HEMK2: variants seen among roughly 807,000 people sequenced by gnomAD.
HEMK2 encodes HemK methyltransferase 2, ETF1 glutamine and histone H4 lysine.
chr21:28,761,353 A>G, the HEMK2 span, among the ~76,000 whole-genome samples: 1 of 152,134 alleles, frequency 6.6e-6, no homozygotes, highest in East Asian at 1.9e-4. Context: ...CAAAATGTTT[A>G]AAAGTAAAGC....
chr21:28,872,012 AT>A, the HEMK2 span, among the ~76,000 whole-genome samples: 1 of 152,298 alleles, frequency 6.6e-6, no homozygotes, highest in East Asian at 1.9e-4. Flanking sequence ...AAAGTCCCTA[AT>A]TCCAAATAGG....
chr21:28,676,388 T>C, the HEMK2 span, among the ~76,000 whole-genome samples: 6 of 152,174 alleles, frequency 3.9e-5, no homozygotes, highest in Non-Finnish European at 8.8e-5. Context: ...TTTAATTTAA[T>C]TACCCCTTCA....
chr21:28,798,370 C>A, the HEMK2 span, among the ~76,000 whole-genome samples: 4 of 152,278 alleles, frequency 2.6e-5, no homozygotes, highest in Middle Eastern at 3.4e-3. Context: ...TCTCTCTGTG[C>A]TCAGTTTACT....
At chr21:28,680,077 A>T in the HEMK2 span, among the ~76,000 whole-genome samples, 16 of 152,240 alleles carry the variant, frequency 1.1e-4, no homozygotes, top group African/African-American at 3.1e-4. Flanking sequence ...AAATAGAGAC[A>T]TAAAAAACCC....
the HEMK2 span, among the ~76,000 whole-genome samples, chr21:28,773,124 T>C: frequency 2.0e-5 from 3 of 152,176 alleles, no homozygotes; most frequent in African/African-American, 7.2e-5. Context: ...TGCTCTAGAC[T>C]TAATTTTGTT....
the HEMK2 span, among the ~76,000 whole-genome samples, chr21:28,696,564 GGC>G: frequency 6.6e-6 from 1 of 152,092 alleles, no homozygotes; most frequent in Non-Finnish European, 1.5e-5. Context: ...AGCTTTTCTA[GGC>G]ACACGGTGCA....
At chr21:28,799,375 C>T in the HEMK2 span, among the ~76,000 whole-genome samples, 1 of 152,108 alleles carries the variant, frequency 6.6e-6, no homozygotes, top group Non-Finnish European at 1.5e-5. Flanking sequence ...AAAAACCCAC[C>T]CCCATGATTC....
At chr21:28,841,370 A>ATATATAAATATTATATATAATATAT in the HEMK2 span, among the ~76,000 whole-genome samples, 76 of 33,140 alleles carry the variant, frequency 2.3e-3, 4 homozygotes, top group African/African-American at 0.014. Context: ...TATTATATAA[A>ATATATAAATATTATATATAATATAT]ATATTATATA....
the HEMK2 span, among the ~76,000 whole-genome samples, chr21:28,864,913 T>TATAGATAGATACATAG: frequency 6.9e-5 from 10 of 144,088 alleles, no homozygotes; most frequent in Non-Finnish European, 1.4e-4. Context: ...AGATAGATGA[T>TATAGATAGATACATAG]ATAGATAGAT....
the HEMK2 span, among the ~76,000 whole-genome samples, chr21:28,859,743 G>T: frequency 1.3e-4 from 20 of 152,112 alleles, no homozygotes; most frequent in Non-Finnish European, 1.9e-4. Flanking sequence ...AGCAGCAGCT[G>T]CCCTCACCAC....
chr21:28,850,778 G>A, the HEMK2 span, among the ~76,000 whole-genome samples: 1 of 152,150 alleles, frequency 6.6e-6, no homozygotes, highest in East Asian at 1.9e-4. Context: ...GGATAGATGT[G>A]CATATAAAAG....
the HEMK2 span, among the ~76,000 whole-genome samples, chr21:28,609,160 T>C: frequency 6.6e-6 from 1 of 152,114 alleles, no homozygotes; most frequent in African/African-American, 2.4e-5. Flanking sequence ...ACTCCCCTGC[T>C]ACCTCCATGG....
the HEMK2 span, among the ~76,000 whole-genome samples, chr21:28,662,547 T>C: frequency 6.6e-6 from 1 of 152,198 alleles, no homozygotes; most frequent in Non-Finnish European, 1.5e-5. Context: ...AAATCTCATC[T>C]TGAATTGTAG....
At chr21:28,591,230 C>T in the HEMK2 span, among the ~76,000 whole-genome samples, 2 of 152,158 alleles carry the variant, frequency 1.3e-5, no homozygotes, top group African/African-American at 4.8e-5. Flanking sequence ...TATAAAAACA[C>T]TTTCTTGAGC....
chr21:28,877,929 AC>A, the HEMK2 span, among the ~76,000 whole-genome samples: 13 of 152,338 alleles, frequency 8.5e-5, no homozygotes, highest in African/African-American at 2.2e-4. Context: ...TTAGAAAAAA[AC>A]ATTAGAGATT....
the HEMK2 span, among the ~76,000 whole-genome samples, chr21:28,877,301 A>AAGGGAGGAAGGAAGGAAGGAAGG: frequency 1.8e-5 from 1 of 55,082 alleles, no homozygotes; most frequent in African/African-American, 4.6e-5. Context: ...AGGAAGGAAG[A>AAGGGAGGAAGGAAGGAAGGAAGG]GAGAGAGAAA....
the HEMK2 span, among the ~76,000 whole-genome samples, chr21:28,783,687 C>A: frequency 2.2e-4 from 33 of 152,356 alleles, no homozygotes; most frequent in Middle Eastern, 3.4e-3. Flanking sequence ...CACTGCTGCA[C>A]TATGGGAGCC....
the HEMK2 span, among the ~76,000 whole-genome samples, chr21:28,881,625 ATT>A: frequency 0.53 from 53,805 of 100,800 alleles, 14,935 homozygotes; most frequent in Non-Finnish European, 0.66. Context: ...GAAGCCATCA[ATT>A]TTTTTTTTTT....
At chr21:28,692,536 A>G in the HEMK2 span, among the ~76,000 whole-genome samples, 1 of 152,164 alleles carries the variant, frequency 6.6e-6, no homozygotes, top group African/African-American at 2.4e-5. Flanking sequence ...AAACACTATA[A>G]AACTAACCAA....
Sources: gnomAD v4.1 joint callset for allele counts (sites outside exome capture counted in the v4.1 genomes callset) on GRCh38, gnomAD v4.1.1 for gene constraint, MANE v1.5 for transcripts, NCBI Gene and HGNC (gene_info 2026-07-23, HGNC 2026-07-21) for gene names.